RABEPK: variants seen among roughly 807,000 people sequenced by gnomAD.
The protein encoded by RABEPK is Rab9 effector protein with kelch motifs, also known as 40 kDa Rab9 effector protein.
A neutral mutation model predicts 34.1 loss-of-function variants in RABEPK; 27 were observed. The ratio of observed to expected loss-of-function variants is 0.79; its 90% confidence interval spans 0.58 to 1.09. The LOEUF is 1.09. Ranked by LOEUF, RABEPK falls within the 50% of genes least tolerant of loss-of-function variation. RABEPK has a pLI of 0.00. For missense variants in RABEPK, 449 were observed against 462.6 expected (o/e 0.97, Z 0.27); for synonymous variants, 172 against 169.2 (o/e 1.02, Z -0.13).
At chr9:125,222,137 GAT>G (rs1378012016) in intron 5 of RABEPK, 1 of 144,588 alleles carries the variant, frequency 6.9e-6, no homozygotes, top group East Asian at 2.0e-4. Context: ...AAAATTAAGA[GAT>G]AGCACATTCC....
intron 5 of RABEPK, among the ~76,000 whole-genome samples, chr9:125,225,341 C>T (rs994552371): frequency 6.6e-5 from 10 of 150,912 alleles, no homozygotes; most frequent in South Asian, 2.1e-4. Flanking sequence ...GAGCCAAGAT[C>T]GTGCCATTGC....
At position 125,232,616 on chromosome 9, in the gene RABEPK, C is replaced by A; in HGVS notation, c.697C>A (p.Leu233Ile). The part of the protein sequence containing the change: ...IDISDMKWQK[L>I]NPTGAAPAGC... ...GGCAGGTGACATGAAATGGCAGAAG[C>A]TAAATCCCACTGGGGCTGCTCCAGC... Residue 233 changes from leucine to isoleucine, a missense_variant, in exon 7 of 8, where the codon CTA (leucine) becomes ATA (isoleucine). By Grantham distance (5) the Leu-to-Ile change is conservative. Transcript: ENST00000373538. 1 of 1,613,368 alleles carries A rather than the reference C, an allele frequency of 6.2e-7. No individual in the cohort carries two copies.
chr9:125,220,349 G>A (rs868396560), intron 4 of RABEPK, 190 bp from the exon 5 acceptor site: 2 of 1,445,942 alleles, frequency 1.4e-6, no homozygotes, highest in African/African-American at 1.4e-5. Context: ...GGGGATTTTG[G>A]ACTGTCTTGG....
At chr9:125,212,638 G>GTTTC (rs775361453) in intron 3 of RABEPK, among the ~76,000 whole-genome samples, 1 of 150,938 alleles carries the variant, frequency 6.6e-6, no homozygotes, top group African/African-American at 2.4e-5. Flanking sequence ...ATACAGGCGT[G>GTTTC]TTTCTTTCTT....
chr9:125,206,998 A>C (rs1262319718), intron 2 of RABEPK, among the ~76,000 whole-genome samples: 1 of 151,898 alleles, frequency 6.6e-6, no homozygotes, highest in Non-Finnish European at 1.5e-5. Context: ...CTGAGGCAGG[A>C]GAATCGCTTG....
intron 1 of RABEPK, among the ~76,000 whole-genome samples, chr9:125,201,870 C>A (rs1213350092): frequency 6.6e-6 from 1 of 151,416 alleles, no homozygotes; most frequent in East Asian, 2.0e-4. Flanking sequence ...CCTCGGCCTC[C>A]CAAAGTGCTG....
intron 5 of RABEPK, among the ~76,000 whole-genome samples, chr9:125,225,354 T>A (rs1366409390): frequency 6.7e-6 from 1 of 149,244 alleles, no homozygotes; most frequent in African/African-American, 2.5e-5. Flanking sequence ...GCCATTGCAC[T>A]CCAGCCTAGG....
At chr9:125,222,858 G>A (rs1010118065) in intron 5 of RABEPK, among the ~76,000 whole-genome samples, 71 of 152,106 alleles carry the variant, frequency 4.7e-4, no homozygotes, top group African/African-American at 1.6e-3. Context: ...AAATATTAGA[G>A]TCAGGGTCTC....
At chr9:125,206,856 G>A (rs938196986) in intron 2 of RABEPK, among the ~76,000 whole-genome samples, 3 of 152,250 alleles carry the variant, frequency 2.0e-5, no homozygotes, top group East Asian at 1.9e-4. Context: ...TTGGGAAGCC[G>A]AGGCGGGCGG....
chr9:125,204,682 C>T (rs1002091184), intron 2 of RABEPK, among the ~76,000 whole-genome samples: 4 of 152,188 alleles, frequency 2.6e-5, no homozygotes, highest in Non-Finnish European at 5.9e-5. Flanking sequence ...TGACTTGTTC[C>T]TTTGTTCTCT....
intron 6 of RABEPK, among the ~76,000 whole-genome samples, chr9:125,230,821 C>A (rs912058166): frequency 1.3e-5 from 2 of 151,600 alleles, no homozygotes; most frequent in African/African-American, 4.8e-5. Flanking sequence ...AGGTGTGAGC[C>A]ACTGCGCCCG....
At chr9:125,213,341 A>G (rs775419849) in intron 3 of RABEPK, 29 bp from the exon 4 acceptor site, 18 of 1,602,580 alleles carry the variant, frequency 1.1e-5, no homozygotes, top group South Asian at 2.2e-5. Flanking sequence ...GGCAGCCCCA[A>G]TCTAGGAACT....
chr9:125,224,173 G>C (rs145283437), intron 5 of RABEPK, among the ~76,000 whole-genome samples: 1 of 147,046 alleles, frequency 6.8e-6, no homozygotes, highest in Non-Finnish European at 1.5e-5. Context: ...TCCAGCCTGG[G>C]CAACAGAGCA....
intron 3 of RABEPK, among the ~76,000 whole-genome samples, chr9:125,212,517 C>G (rs1335305467): frequency 6.6e-6 from 1 of 151,994 alleles, no homozygotes; most frequent in Non-Finnish European, 1.5e-5. Flanking sequence ...CAGCGCCTGA[C>G]CAAGGTTAGG....
intron 5 of RABEPK, among the ~76,000 whole-genome samples, chr9:125,225,342 G>A (rs1305237438): frequency 2.6e-5 from 4 of 151,076 alleles, no homozygotes; most frequent in South Asian, 2.1e-4. Flanking sequence ...AGCCAAGATC[G>A]TGCCATTGCA....
At chr9:125,220,952 A>G in intron 5 of RABEPK, 1 of 366,314 alleles carries the variant, frequency 2.7e-6, no homozygotes, top group Non-Finnish European at 4.8e-6. Flanking sequence ...GGACCGCTTA[A>G]GGTCAGGAGT....
chr9:125,213,527 G>A lies in RABEPK; in HGVS notation c.364+5G>A, dbSNP rs1830722813. The A allele has an allele frequency of 6.2e-7, 1 of 1,611,750 alleles. No homozygotes were observed. The highest frequency in any genetic ancestry group is 1.1e-5 in the South Asian group (1 of 90,722). ...GTCTACAAGTCCTGAATCCTGGTAA[G>A]TAGCCAAAGGTTATTTTATTTACGT... On this transcript the variant is annotated splice_donor_5th_base_variant and intron_variant, in intron 4 of 7. Transcript: ENST00000373538.
At chr9:125,209,936 A>G (rs979941619) in intron 3 of RABEPK, among the ~76,000 whole-genome samples, 1 of 152,138 alleles carries the variant, frequency 6.6e-6, no homozygotes, top group African/African-American at 2.4e-5. Flanking sequence ...GTCTGCCTTC[A>G]CAGCCCTATC....
chr9:125,213,320 A>G (rs776293986), intron 3 of RABEPK, 50 bp from the exon 4 acceptor site: 5 of 1,583,888 alleles, frequency 3.2e-6, no homozygotes, highest in Admixed American at 1.8e-5. Flanking sequence ...GTGCCAACCA[A>G]TATAATAATT....
Sources: allele counts gnomAD v4.1 joint callset (sites outside exome capture counted in the v4.1 genomes callset), GRCh38; gene constraint gnomAD v4.1.1; transcripts MANE v1.5; gene names NCBI Gene and HGNC (gene_info 2026-07-23, HGNC 2026-07-21).